Variants in NAV2 observed in about 807,000 individuals in gnomAD.
The protein encoded by NAV2 is helicase, APC down-regulated 1.
Under a neutral mutation model 223.2 loss-of-function variants are expected in NAV2, and 54 were observed. The ratio of observed to expected loss-of-function variants is 0.24; its 90% CI spans 0.19 to 0.30. The LOEUF (loss-of-function observed/expected upper bound fraction) is 0.30. NAV2 is among the 10% of genes least tolerant of loss of function. The pLI, the probability that NAV2 is intolerant of heterozygous loss-of-function variation, is 1.00. For synonymous variants in NAV2, 1,279 were observed against 1,239.3 expected (o/e 1.03, Z -0.67); for missense variants, 2,806 against 3,147.5 (o/e 0.89, Z 2.60).
intron 2 of NAV2, among the ~76,000 whole-genome samples, chr11:19,839,026 C>G (rs2060378558): frequency 6.6e-6 from 1 of 152,218 alleles, no homozygotes; most frequent in Admixed American, 6.5e-5. Context: ...TTTCTGCCAT[C>G]ATCTTCTATA....
intron 1 of NAV2, among the ~76,000 whole-genome samples, chr11:19,515,891 G>A (rs965521729): frequency 1.3e-5 from 2 of 152,210 alleles, no homozygotes; most frequent in Non-Finnish European, 2.9e-5. Flanking sequence ...AGGAATCAAG[G>A]TTGATTCCAA....
At chr11:19,574,958 G>T (rs2045531309) in intron 1 of NAV2, among the ~76,000 whole-genome samples, 1 of 152,154 alleles carries the variant, frequency 6.6e-6, no homozygotes, top group African/African-American at 2.4e-5. Context: ...AATAGCACAG[G>T]TGAAGGCCCT....
At chr11:19,408,504 A>G (rs1849998313) in intron 1 of NAV2, among the ~76,000 whole-genome samples, 19 of 152,186 alleles carry the variant, frequency 1.2e-4, no homozygotes, top group Admixed American at 1.2e-3. Flanking sequence ...TTGTTTGGGA[A>G]TCCCCTTGGC....
rs755518974 is a variant in NAV2 at position 20,101,134 on chromosome 11, G to T, written c.6379G>T (p.Val2127Phe). The change falls in exon 32 of 38, where the codon GTT (valine) becomes TTT (phenylalanine). Residue 2127 changes from valine to phenylalanine, a missense_variant. Physicochemically the swap from Val to Phe is conservative, Grantham distance 50 (BLOSUM62 -1). Coordinates refer to ENST00000349880, the MANE Select transcript of NAV2 (RefSeq NM_145117.5). Reference protein sequence around the residue: ...LREGRELTDGVIATFNVDHKS... With the variant: ...LREGRELTDGFIATFNVDHKS... ...AGAGGGACGGGAGTTGACAGACGGG[G>T]TTATCGCCACCTTTAACGTGGACCA... is the stretch of plus-strand genomic sequence containing the variant. The T allele has an allele frequency of 1.9e-6, 3 of 1,614,140 alleles. No individual in the cohort carries two copies. The highest frequency in any genetic ancestry group is 1.7e-5 in the Admixed American group (1 of 60,020).
chr11:19,761,894 TC>T (rs1818157063), intron 1 of NAV2, among the ~76,000 whole-genome samples: 1 of 152,184 alleles, frequency 6.6e-6, no homozygotes, highest in African/African-American at 2.4e-5. Flanking sequence ...TCTGCATCCT[TC>T]CCCTGGTCTA....
At chr11:19,889,047 C>T (rs570563191) in intron 5 of NAV2, among the ~76,000 whole-genome samples, 1 of 152,322 alleles carries the variant, frequency 6.6e-6, no homozygotes, top group East Asian at 1.9e-4. Flanking sequence ...GTCCAGTGGC[C>T]TCCCAGGTTT....
chr11:20,066,238 T>TA (rs1490316185), intron 20 of NAV2, among the ~76,000 whole-genome samples: 9 of 152,192 alleles, frequency 5.9e-5, no homozygotes, highest in Non-Finnish European at 1.3e-4. Flanking sequence ...CTTAGGTTCT[T>TA]AAAAATAGTG....
intron 1 of NAV2, among the ~76,000 whole-genome samples, chr11:19,356,918 C>T (rs764426784): frequency 6.6e-6 from 1 of 152,126 alleles, no homozygotes; most frequent in Non-Finnish European, 1.5e-5. Flanking sequence ...TATTTTTGGT[C>T]CTTAAAGCCG....
Position 19,706,709 on chromosome 11 carries a change from G to A in NAV2, c.76-125775G>A, listed in dbSNP as rs116347433. 3.6e-3 allele frequency among the ~76,000 whole-genome samples: 548 copies of A among 152,298 alleles called. 2 individuals are homozygous for A. The highest frequency in any genetic ancestry group is 0.013 in the African/African-American group (530 of 41,562). ...CCAAAGCCAGGCACATAGATGGCTT[G>A]CAACAATTTATTCCTTGTATTAATT... On this transcript the variant is annotated intron_variant, in intron 1 of 37. Transcript: ENST00000360655.
chr11:19,527,133 C>T (rs890066824), intron 1 of NAV2, among the ~76,000 whole-genome samples: 7 of 151,980 alleles, frequency 4.6e-5, no homozygotes, highest in South Asian at 2.1e-4. Flanking sequence ...ATAATTCCCA[C>T]GTGTTGTGGG....
In NAV2 at chr11:19,933,392, C is replaced by A. The variant is rs769823906; in HGVS notation, c.1148C>A (p.Ala383Asp). ...MLSVKPPGPEAPRPTPEAMKP... is the reference protein window; with the variant it reads ...MLSVKPPGPEDPRPTPEAMKP... ...TCGGTCAAGCCTCCTGGGCCTGAGGCCCCCAGGCCCACACCTGAAGCCATG... is the reference window on the plus strand; with the variant it reads ...TCGGTCAAGCCTCCTGGGCCTGAGGACCCCAGGCCCACACCTGAAGCCATG... The change falls in exon 7 of 38, where the codon GCC becomes GAC. Residue 383 changes from alanine (A) to aspartate (D), a missense_variant. Physicochemically the swap from Ala to Asp is moderately radical, Grantham distance 126. This residue lies in a region of NAV2 where 1,167 missense variants were observed against 1,180.5 expected (regional missense o/e 0.99). Coordinates refer to ENST00000349880, the MANE Select transcript of NAV2 (RefSeq NM_145117.5). The surrounding 1 kb of genome is among the most constrained non-coding windows in gnomAD (Gnocchi z 4.3). 13 of 1,578,722 alleles carry A rather than the reference C, an allele frequency of 8.2e-6. No individual in the cohort carries two copies. Among genetic ancestry groups the A allele is most frequent in the African/African-American group, 1.4e-5 (1 of 73,440 alleles).
chr11:19,979,024 A>G (rs1056290025), intron 10 of NAV2: 7 of 152,180 alleles, frequency 4.6e-5, no homozygotes, highest in African/African-American at 1.4e-4. Flanking sequence ...TTTCATAGCT[A>G]GTGTCAGTTA....
At position 20,045,272 on chromosome 11, in the gene NAV2, T is replaced by G; in HGVS notation, c.3504T>G (p.Ser1168Arg). 6.2e-7 allele frequency: 1 copy of G among 1,614,114 alleles called. No homozygotes were observed. Among genetic ancestry groups the G allele is most frequent in the Non-Finnish European group, 8.5e-7 (1 of 1,180,010 alleles). The stretch of plus-strand genomic sequence containing the variant: ...GTCGGTCTGCTGGTCGGAAGTCAAG[T>G]ATGGATGGGGCTCAGAATCAGGATG... ...LVSRSAGRKS[S>R]MDGAQNQDDG... Residue 1168 changes from serine to arginine, a missense_variant, in exon 14 of 38, where the codon AGT becomes AGG. Coordinates refer to ENST00000349880, the MANE Select transcript of NAV2 (RefSeq NM_145117.5).
At chr11:19,937,551 A>G (rs948302407) in intron 7 of NAV2, among the ~76,000 whole-genome samples, 1 of 152,220 alleles carries the variant, frequency 6.6e-6, no homozygotes, top group Non-Finnish European at 1.5e-5. Context: ...ATAGAACCAG[A>G]GGAGATTGCT....
chr11:19,774,941 ATGT>A (rs2056033158), intron 1 of NAV2, among the ~76,000 whole-genome samples: 1 of 152,152 alleles, frequency 6.6e-6, no homozygotes. Flanking sequence ...TAGATCGTAA[ATGT>A]TGTGGCTATC....
rs906545968 is a variant in NAV2 at position 20,037,389 on chromosome 11, G to A, written c.2907+1292G>A. Among the ~76,000 whole-genome samples, 6 of 149,682 alleles carry A rather than the reference G, an allele frequency of 4.0e-5. No individual in the cohort carries two copies. The East Asian group carries it at 1.2e-3, about 29-fold the overall frequency. On this transcript the variant is annotated intron_variant, in intron 12 of 37. Transcript: ENST00000349880. The stretch of plus-strand genomic sequence containing the variant: ...TAGGGCTAAAAAAAAAAAAAAGGAT[G>A]TATCAGAGTGTGGGAGTAATTCTGT...
At position 19,390,754 on chromosome 11, in the gene NAV2, G is replaced by A. The variant is rs1849216286; in HGVS notation, c.75+39727G>A. Among the ~76,000 whole-genome samples the A allele has an allele frequency of 2.0e-5, 3 of 152,124 alleles. No homozygotes were observed. In the South Asian group the frequency reaches 6.2e-4, roughly 32 times the overall value. Reference sequence around the variant, plus strand: ...TCTCTTGGGACATGACCTCTAAGCAGACCCTATATGCTGAGAAAGAGCTGG... The same window carrying A: ...TCTCTTGGGACATGACCTCTAAGCAAACCCTATATGCTGAGAAAGAGCTGG... On this transcript the variant is annotated intron_variant, in intron 1 of 37. Transcript: ENST00000360655.
At chr11:20,070,189 G>T (rs1204069598) in intron 22 of NAV2, among the ~76,000 whole-genome samples, 1 of 152,176 alleles carries the variant, frequency 6.6e-6, no homozygotes, top group Non-Finnish European at 1.5e-5. Context: ...CCCGTGGGCA[G>T]ATTCTTCATC....
rs185290223 is a variant in NAV2, at chr11:19,386,408, C to T, written c.75+35381C>T. ...CTGGATGGAATGGGTATGATACTAC[C>T]CATCTCATATGGTTGATTTAAATGG... On this transcript the variant is annotated intron_variant, in intron 1 of 37. Transcript: ENST00000360655. Among the ~76,000 whole-genome samples the T allele has an allele frequency of 4.6e-5, 7 of 152,136 alleles. No homozygotes were observed. The East Asian group carries it at 1.4e-3, about 29-fold the overall frequency.
Sources: gnomAD v4.1 joint callset for allele counts (sites outside exome capture counted in the v4.1 genomes callset) on GRCh38, gnomAD v4.1.1 for gene constraint, gnomAD v4.1.1 regional missense constraint, Gnocchi (gnomAD v3.1) non-coding constraint, MANE v1.5 for transcripts, NCBI Gene and HGNC (gene_info 2026-07-23, HGNC 2026-07-21) for gene names.